The following DDX10 variants were observed in gnomAD, a reference collection of about 807,000 sequenced individuals.
DDX10 encodes the protein DEAD-box helicase 10.
Under a neutral mutation model 104.3 loss-of-function variants are expected in DDX10, and 74 were observed. The ratio of observed to expected loss-of-function variants is 0.71; its 90% CI spans 0.59 to 0.86. The LOEUF (loss-of-function observed/expected upper bound fraction) is 0.86. Among genes scored for constraint, DDX10 ranks in the 40% least tolerant of loss-of-function variants. The pLI, the probability that DDX10 is intolerant of heterozygous loss-of-function variation, is 0.00. For synonymous variants in DDX10, 351 were observed against 353.4 expected (o/e 0.99, Z 0.08); for missense variants, 952 against 1,040.0 (o/e 0.92, Z 1.16).
At chr11:108,773,819 G>A (rs1413866224) in intron 13 of DDX10, among the ~76,000 whole-genome samples, 1 of 152,122 alleles carries the variant, frequency 6.6e-6, no homozygotes, top group African/African-American at 2.4e-5. Flanking sequence ...TAATTGCTTT[G>A]GAGTGTACCA....
intron 13 of DDX10, among the ~76,000 whole-genome samples, chr11:108,753,707 A>G (rs968708300): frequency 6.6e-6 from 1 of 152,072 alleles, no homozygotes; most frequent in South Asian, 2.1e-4. Context: ...AATTGCAAGT[A>G]TTGGACACAA....
At chr11:108,672,290 G>A (rs1212235951) in intron 1 of DDX10, among the ~76,000 whole-genome samples, 1 of 152,080 alleles carries the variant, frequency 6.6e-6, no homozygotes, top group Non-Finnish European at 1.5e-5. Flanking sequence ...GCCTCCTTCT[G>A]TAGGCATTCC....
rs942575047 is a variant in DDX10, at chr11:108,830,449, G to T, written c.1966-7997G>T. 1.3e-4 allele frequency among the ~76,000 whole-genome samples: 20 copies of T among 152,166 alleles called. 1 individual carries two copies. The highest frequency in any genetic ancestry group is 1.2e-3 in the Admixed American group (18 of 15,260). ...TACCGGTTCTGGGAGCTTTTTGGAT[G>T]AGTCTTTAGTGTTTTCTAGTTATAC... On this transcript the variant is annotated intron_variant, in intron 13 of 17. Coordinates refer to ENST00000322536, the MANE Select transcript of DDX10 (RefSeq NM_004398.4).
intron 9 of DDX10, among the ~76,000 whole-genome samples, chr11:108,697,885 G>T (rs760487879): frequency 9.6e-4 from 146 of 152,250 alleles, no homozygotes; most frequent in Middle Eastern, 3.4e-3. Context: ...TTTGGGGAGG[G>T]TAGGGGAGGG....
chr11:108,768,989 C>A (rs1469366908), intron 13 of DDX10, among the ~76,000 whole-genome samples: 1 of 152,030 alleles, frequency 6.6e-6, no homozygotes, highest in Non-Finnish European at 1.5e-5. Context: ...TTGGGTATGA[C>A]AGTTATCTTT....
chr11:108,831,067 A>G (rs1254950889), intron 13 of DDX10, among the ~76,000 whole-genome samples: 1 of 152,182 alleles, frequency 6.6e-6, no homozygotes, highest in Non-Finnish European at 1.5e-5. Flanking sequence ...TGTATAGTTA[A>G]ATATGTTTGG....
intron 17 of DDX10, among the ~76,000 whole-genome samples, chr11:108,938,994 C>A (rs1459469358): frequency 6.6e-6 from 1 of 152,222 alleles, no homozygotes; most frequent in East Asian, 1.9e-4. Context: ...ATTTATTTTG[C>A]TGATTAGATA....
At chr11:108,910,781 G>GTGTGTGTC (rs1863663798) in intron 16 of DDX10, among the ~76,000 whole-genome samples, 7 of 130,712 alleles carry the variant, frequency 5.4e-5, no homozygotes, top group Admixed American at 3.8e-4. Context: ...GTGTGTGTGT[G>GTGTGTGTC]TGTGTGTGTC....
intron 16 of DDX10, among the ~76,000 whole-genome samples, chr11:108,893,125 A>G (rs974832514): frequency 2.0e-5 from 3 of 152,138 alleles, no homozygotes; most frequent in African/African-American, 7.2e-5. Flanking sequence ...ATGATCAATA[A>G]ATACTTGCTG....
chr11:108,932,879 G>A (rs945953705), intron 17 of DDX10, among the ~76,000 whole-genome samples: 22 of 152,100 alleles, frequency 1.4e-4, no homozygotes, highest in Non-Finnish European at 2.4e-4. Flanking sequence ...TGTATCTGCT[G>A]GTGGCAAACC....
At chr11:108,825,347 A>G (rs1431309383) in intron 13 of DDX10, among the ~76,000 whole-genome samples, 1 of 152,228 alleles carries the variant, frequency 6.6e-6, no homozygotes, top group Non-Finnish European at 1.5e-5. Flanking sequence ...ATATTTAATT[A>G]AGGTGACAGG....
At chr11:108,864,527 C>T (rs2134617610) in intron 16 of DDX10, among the ~76,000 whole-genome samples, 1 of 152,036 alleles carries the variant, frequency 6.6e-6, no homozygotes, top group South Asian at 2.1e-4. Context: ...GGCTGGAGTA[C>T]AGTGGCGTGA....
intron 16 of DDX10, among the ~76,000 whole-genome samples, chr11:108,866,367 T>G (rs1863008196): frequency 6.6e-6 from 1 of 152,160 alleles, no homozygotes; most frequent in South Asian, 2.1e-4. Flanking sequence ...ATTATTTTTA[T>G]GTTAATAGGA....
chr11:108,683,661 A>G (rs2094238637), intron 6 of DDX10, among the ~76,000 whole-genome samples: 1 of 152,224 alleles, frequency 6.6e-6, no homozygotes, highest in African/African-American at 2.4e-5. Flanking sequence ...ATTATTGCCT[A>G]GCTCCATTAT....
At chr11:108,806,328 G>A (rs913537210) in intron 13 of DDX10, among the ~76,000 whole-genome samples, 1 of 152,158 alleles carries the variant, frequency 6.6e-6, no homozygotes, top group Non-Finnish European at 1.5e-5. Context: ...TAACAGATAC[G>A]TCTTTTCCCT....
At chr11:108,725,825 A>G (rs995396041) in intron 13 of DDX10, among the ~76,000 whole-genome samples, 1 of 152,008 alleles carries the variant, frequency 6.6e-6, no homozygotes, top group Admixed American at 6.6e-5. Flanking sequence ...GGTAATTTAT[A>G]TATGTGTCGT....
intron 17 of DDX10, chr11:108,922,264 A>AAAAAAAAAAAAAAAAAG (rs1863843154): frequency 1.1e-5 from 1 of 93,888 alleles, no homozygotes; most frequent in Non-Finnish European, 2.2e-5. Flanking sequence ...AAAAAAAAAA[A>AAAAAAAAAAAAAAAAAG]AGAGAGAGAG....
intron 16 of DDX10, among the ~76,000 whole-genome samples, chr11:108,885,111 A>G (rs1213240745): frequency 6.6e-6 from 1 of 151,946 alleles, no homozygotes; most frequent in East Asian, 1.9e-4. Context: ...TCTTTGTCAC[A>G]TTGTTTGTTT....
At chr11:108,912,908 G>A (rs1863698759) in intron 16 of DDX10, among the ~76,000 whole-genome samples, 1 of 152,094 alleles carries the variant, frequency 6.6e-6, no homozygotes, top group Non-Finnish European at 1.5e-5. Flanking sequence ...TCAAAAGAAT[G>A]CAATTGTTTG....
Sources: allele counts gnomAD v4.1 joint callset (sites outside exome capture counted in the v4.1 genomes callset), GRCh38; gene constraint gnomAD v4.1.1; transcripts MANE v1.5; gene names NCBI Gene and HGNC (gene_info 2026-07-23, HGNC 2026-07-21).